Variants in CAPN13 observed in about 807,000 individuals in gnomAD.
CAPN13 encodes calpain-13.
A neutral mutation model predicts 98.4 loss-of-function variants in CAPN13; 90 were observed. The ratio of observed to expected loss-of-function variants is 0.92; its 90% CI spans 0.77 to 1.09. The LOEUF (loss-of-function observed/expected upper bound fraction) is 1.09. Among genes scored for constraint, CAPN13 ranks in the 50% least tolerant of loss-of-function variants. The pLI is 0.00. For synonymous variants in CAPN13, 330 were observed against 305.5 expected, an observed-to-expected ratio of 1.08 and a Z score of -0.84; for missense variants, 887 against 841.3, an observed-to-expected ratio of 1.05 and a Z score of -0.67.
At chr2:30,773,455 C>A (rs1236096623) in intron 4 of CAPN13, among the ~76,000 whole-genome samples, 1 of 152,036 alleles carries the variant, frequency 6.6e-6, no homozygotes, top group Non-Finnish European at 1.5e-5. Context: ...TTTAAATATG[C>A]TTTTTATAAG....
intron 2 of CAPN13, among the ~76,000 whole-genome samples, chr2:30,786,528 T>C (rs921352135): frequency 6.6e-6 from 1 of 152,038 alleles, no homozygotes; most frequent in African/African-American, 2.4e-5. Context: ...TCTGCTGGGG[T>C]TGTGGAGTCA....
chr2:30,757,980 G>T, intron 8 of CAPN13, 66 bp downstream of exon 8: 1 of 1,244,258 alleles, frequency 8.0e-7, no homozygotes, highest in East Asian at 2.6e-5. Flanking sequence ...CTGCTCTCAT[G>T]GGCAGGAGGC....
chr2:30,785,950 T>C (rs1314386253), intron 2 of CAPN13, among the ~76,000 whole-genome samples: 3 of 152,168 alleles, frequency 2.0e-5, no homozygotes, highest in African/African-American at 7.2e-5. Flanking sequence ...ACCCCACTTT[T>C]CTCTAAGCAG....
At chr2:30,734,696 G>A (rs552222150) in intron 18 of CAPN13, among the ~76,000 whole-genome samples, 172 bp from the exon 19 acceptor site, 10 of 152,300 alleles carry the variant, frequency 6.6e-5, no homozygotes, top group Admixed American at 2.6e-4. Flanking sequence ...CTGGCTGCCC[G>A]CTGAGGGGCT....
chr2:30,769,667 G>A (rs1027702617), intron 5 of CAPN13, among the ~76,000 whole-genome samples: 6 of 152,132 alleles, frequency 3.9e-5, no homozygotes, highest in Non-Finnish European at 8.8e-5. Context: ...ATCTAAGTAC[G>A]ACATGTGAAT....
intron 5 of CAPN13, among the ~76,000 whole-genome samples, chr2:30,764,949 G>C (rs1218232180): frequency 1.3e-5 from 2 of 152,114 alleles, no homozygotes; most frequent in Non-Finnish European, 1.5e-5. Flanking sequence ...TCATTAGGGA[G>C]ATCACTGGCT....
intron 1 of CAPN13, among the ~76,000 whole-genome samples, chr2:30,790,518 G>T (rs1674547272): frequency 6.6e-6 from 1 of 152,270 alleles, no homozygotes; most frequent in South Asian, 2.1e-4. Context: ...TCAGAATTAG[G>T]CTGAGAAGCA....
intron 21 of CAPN13, 83 bp from the exon 22 acceptor site, chr2:30,730,869 T>C: frequency 2.6e-6 from 2 of 771,106 alleles, no homozygotes; most frequent in Admixed American, 1.7e-5. Context: ...CCCTCCTCCC[T>C]CGGAAGACCT....
intron 11 of CAPN13, among the ~76,000 whole-genome samples, chr2:30,750,521 G>T (rs1672121348): frequency 6.6e-6 from 1 of 152,016 alleles, no homozygotes; most frequent in Admixed American, 6.6e-5. Flanking sequence ...TGGCCTCAGG[G>T]TAGCCAAGCA....
chr2:30,776,924 C>T (rs1017179285), intron 3 of CAPN13, among the ~76,000 whole-genome samples: 4 of 152,208 alleles, frequency 2.6e-5, no homozygotes, highest in East Asian at 3.8e-4. Context: ...GTCCAAGGCA[C>T]GGTGATTTCA....
At chr2:30,800,752 C>T (rs922088858) in intron 1 of CAPN13, among the ~76,000 whole-genome samples, 2 of 152,172 alleles carry the variant, frequency 1.3e-5, no homozygotes, top group African/African-American at 4.8e-5. Context: ...TGCCAATACA[C>T]ACAAAAAAGA....
intron 4 of CAPN13, among the ~76,000 whole-genome samples, chr2:30,773,753 AG>A (rs1673531018): frequency 6.6e-6 from 1 of 152,252 alleles, no homozygotes; most frequent in African/African-American, 2.4e-5. Flanking sequence ...TAACTATGGG[AG>A]GAACTTCTCC....
chr2:30,795,836 A>G (rs1158506927), intron 1 of CAPN13, among the ~76,000 whole-genome samples: 1 of 152,168 alleles, frequency 6.6e-6, no homozygotes, highest in Non-Finnish European at 1.5e-5. Context: ...TGGGAATTTA[A>G]TGTAAGAAAC....
intron 21 of CAPN13, 62 bp from the exon 22 acceptor site, chr2:30,730,848 G>A (rs1196752130): frequency 2.6e-6 from 2 of 778,684 alleles, no homozygotes; most frequent in East Asian, 2.4e-5. Context: ...TACAGAGCAG[G>A]GCAAATGCCA....
intron 5 of CAPN13, among the ~76,000 whole-genome samples, chr2:30,769,227 G>C (rs755271183): frequency 6.6e-6 from 1 of 152,002 alleles, no homozygotes; most frequent in African/African-American, 2.4e-5. Flanking sequence ...GTCCCCTTAG[G>C]GGCCCCCAGG....
chr2:30,763,165 C>A lies in CAPN13; in HGVS notation c.700-9G>T, dbSNP rs376947787. 6.2e-7 allele frequency: 1 copy of A among 1,608,320 alleles called. No homozygotes were observed. Among genetic ancestry groups the A allele is most frequent in the Non-Finnish European group, 8.5e-7 (1 of 1,176,950 alleles). The stretch of plus-strand genomic sequence containing the variant: ...TGTGCTGTATCTGTTGGCTTCAAGG[C>A]AGAAAAGCAGATCAAACATTAGACA... On this transcript the variant is annotated splice_polypyrimidine_tract_variant and intron_variant, in intron 6 of 22. Transcript: ENST00000295055.
rs1672268706 is a variant in CAPN13, at chr2:30,753,215, T to C, written c.942-17A>G. On this transcript the variant is annotated splice_polypyrimidine_tract_variant and intron_variant, in intron 9 of 22. Transcript: ENST00000295055. Reference sequence around the variant, plus strand: ...CACGACATCCTGTTAAAAACAGATATACATCACTCAGTGACCAGGGGTTGT... The same window carrying C: ...CACGACATCCTGTTAAAAACAGATACACATCACTCAGTGACCAGGGGTTGT... 2 of 1,613,464 alleles carry C rather than the reference T, an allele frequency of 1.2e-6. No individual in the cohort carries two copies. Among genetic ancestry groups the C allele is most frequent in the African/African-American group, 2.7e-5 (2 of 74,932 alleles).
Position 30,743,489 on chromosome 2 carries a change from T to C in CAPN13, c.1339A>G (p.Met447Val), listed in dbSNP as rs749286523. The change falls in exon 13 of 23, where the codon ATG becomes GTG. Residue 447 changes from methionine to valine, a missense_variant. By Grantham distance (21) the Met-to-Val change is conservative. Transcript: ENST00000295055. ...SNNKFRRNFT[M>V]TYHLSPGNYV... is the part of the protein sequence containing the mutation. ...TTCCCAGGGCTCAGATGGTAAGTCA[T>C]GGTGAAGTTGCGGCGGAATTTATTA... is the stretch of plus-strand genomic sequence containing the variant. 1 of 1,613,992 alleles carries C rather than the reference T, an allele frequency of 6.2e-7. No individual in the cohort carries two copies. Among genetic ancestry groups the C allele is most frequent in the South Asian group, 1.1e-5 (1 of 91,082 alleles).
chr2:30,777,912 C>A (rs1287447513), intron 2 of CAPN13, among the ~76,000 whole-genome samples: 2 of 152,134 alleles, frequency 1.3e-5, no homozygotes, highest in African/African-American at 4.8e-5. Flanking sequence ...GTCCTTGGAT[C>A]AAATAGCCAT....
Sources: allele counts gnomAD v4.1 joint callset (sites outside exome capture counted in the v4.1 genomes callset), GRCh38; gene constraint gnomAD v4.1.1; transcripts MANE v1.5; gene names NCBI Gene and HGNC (gene_info 2026-07-23, HGNC 2026-07-21).